Variants in RMDN2 observed in about 807,000 individuals in gnomAD.
The protein encoded by RMDN2 is regulator of microtubule dynamics protein 2.
Under a neutral mutation model 52.8 loss-of-function variants are expected in RMDN2, and 61 were observed. The ratio of observed to expected loss-of-function variants is 1.16; its 90% confidence interval spans 0.94 to 1.43. The LOEUF is 1.43. Ranked by LOEUF, RMDN2 falls within the 40% of genes most tolerant of loss-of-function variation. The pLI is 0.00. For synonymous variants in RMDN2, 180 were observed against 153.1 expected, an observed-to-expected ratio of 1.18 and a Z score of -1.30; for missense variants, 592 against 475.3, an observed-to-expected ratio of 1.25 and a Z score of -2.28.
intron 5 of RMDN2, among the ~76,000 whole-genome samples, chr2:37,983,926 G>A (rs560693176): frequency 5.6e-4 from 86 of 152,232 alleles, no homozygotes; most frequent in African/African-American, 2.0e-3. Context: ...GCCACACACA[G>A]GCATTTTTGC....
At chr2:38,002,436 A>G (rs1048743428) in intron 8 of RMDN2, among the ~76,000 whole-genome samples, 4 of 152,310 alleles carry the variant, frequency 2.6e-5, no homozygotes, top group East Asian at 3.9e-4. Flanking sequence ...ATGATGAAGT[A>G]TATCTATGCT....
chr2:38,005,715 C>T (rs1411477992), intron 10 of RMDN2, among the ~76,000 whole-genome samples: 4 of 152,172 alleles, frequency 2.6e-5, no homozygotes, highest in Non-Finnish European at 5.9e-5. Context: ...CATTAGATCC[C>T]ATTTGTGAAT....
At chr2:38,010,229 C>G (rs918604011) in intron 10 of RMDN2, among the ~76,000 whole-genome samples, 1 of 152,222 alleles carries the variant, frequency 6.6e-6, no homozygotes, top group Non-Finnish European at 1.5e-5. Context: ...CCACTACTCT[C>G]TTCAGTGCTG....
intron 2 of RMDN2, among the ~76,000 whole-genome samples, chr2:37,960,427 T>C (rs568935225): frequency 2.0e-5 from 3 of 152,294 alleles, no homozygotes; most frequent in Non-Finnish European, 2.9e-5. Context: ...ATTTTGTTGT[T>C]TTAAAGTCTG....
chr2:37,950,733 C>A, intron 2 of RMDN2: 1 of 834,072 alleles, frequency 1.2e-6, no homozygotes, highest in African/African-American at 1.7e-5. Flanking sequence ...AAACATTCTC[C>A]CCAGAGAGAT....
chr2:37,998,408 C>G (rs192258584), intron 8 of RMDN2: 1 of 152,154 alleles, frequency 6.6e-6, no homozygotes, highest in African/African-American at 2.4e-5. Flanking sequence ...TAACAACAGT[C>G]CCAGCTACTC....
In RMDN2 at chr2:38,017,502, T is replaced by C; in HGVS notation, c.*263T>C. 1 of 1,097,542 alleles carries C rather than the reference T, an allele frequency of 9.1e-7. No homozygotes were observed. Among genetic ancestry groups the C allele is most frequent in the South Asian group, 1.6e-5 (1 of 61,578 alleles). 68.0% of individuals were successfully genotyped at this position (1,097,542 alleles called of 1,614,324 possible). On this transcript the variant is annotated 3_prime_UTR_variant, in exon 11 of 11. Transcript: ENST00000354545. ...TTTTCTTATCAATAAACTGCAGCCTTAAGAATATTTCTTTAAATAAAATAT... is the reference window on the plus strand; with the variant it reads ...TTTTCTTATCAATAAACTGCAGCCTCAAGAATATTTCTTTAAATAAAATAT...
intron 10 of RMDN2, among the ~76,000 whole-genome samples, chr2:38,054,913 A>G (rs192585807): frequency 1.6e-4 from 24 of 152,292 alleles, no homozygotes; most frequent in African/African-American, 5.5e-4. Context: ...CGGGGGGACA[A>G]AGGGCTCCAA....
At chr2:38,019,413 C>T (rs1419023026), downstream of RMDN2, among the ~76,000 whole-genome samples, 2 of 152,182 alleles carry the variant, frequency 1.3e-5, no homozygotes, top group Non-Finnish European at 2.9e-5. Flanking sequence ...CTTCAATGGA[C>T]AAGTTGATAT....
intron 10 of RMDN2, among the ~76,000 whole-genome samples, chr2:38,066,295 C>T (rs146519904): frequency 1.1e-4 from 16 of 152,272 alleles, no homozygotes; most frequent in African/African-American, 2.9e-4. Flanking sequence ...AGCATTTGTC[C>T]TCAAAGCCTG....
chr2:37,993,295 T>C (rs970806735), intron 7 of RMDN2, among the ~76,000 whole-genome samples: 8 of 152,084 alleles, frequency 5.3e-5, no homozygotes, highest in Non-Finnish European at 1.0e-4. Context: ...TAAGTATAGA[T>C]AATGAATATG....
chr2:38,011,126 G>A (rs1677926274), intron 10 of RMDN2, among the ~76,000 whole-genome samples: 1 of 152,202 alleles, frequency 6.6e-6, no homozygotes, highest in Non-Finnish European at 1.5e-5. Context: ...CCTAGAGTAA[G>A]GGGAGTGACC....
chr2:37,923,412 CCTCTT>C (rs1666086978), upstream of RMDN2: 1 of 152,168 alleles, frequency 6.6e-6, no homozygotes, highest in South Asian at 2.1e-4. Flanking sequence ...TTATTGAAAG[CCTCTT>C]CTGTGCAATG....
intron 2 of RMDN2, among the ~76,000 whole-genome samples, chr2:37,967,369 C>G (rs917636972): frequency 6.6e-6 from 1 of 152,160 alleles, no homozygotes; most frequent in African/African-American, 2.4e-5. Flanking sequence ...GATCTTGAAG[C>G]ATTTCTTTAA....
intron 2 of RMDN2, chr2:37,952,010 T>A: frequency 6.2e-7 from 1 of 1,613,016 alleles, no homozygotes. Flanking sequence ...CAATCATGAT[T>A]CCACAGCATC....
intron 2 of RMDN2, among the ~76,000 whole-genome samples, chr2:37,964,709 C>T (rs1343178762): frequency 6.6e-6 from 1 of 152,080 alleles, no homozygotes; most frequent in Non-Finnish European, 1.5e-5. Context: ...GTTTATAGGT[C>T]TATAGTGATG....
chr2:37,965,186 A>G (rs940265669), intron 2 of RMDN2, among the ~76,000 whole-genome samples: 4 of 152,178 alleles, frequency 2.6e-5, no homozygotes, highest in Non-Finnish European at 5.9e-5. Flanking sequence ...CATTCTGCCA[A>G]TATACCTTTT....
At position 37,951,099 on chromosome 2, in the gene RMDN2, C is replaced by T. The variant is rs912293086; in HGVS notation, c.452+21370C>T. ...GCTCCCCTATTCTTCTTATTCCCTG[C>T]TGTTTTCATATTAGTATGGAAACAA... On this transcript the variant is annotated intron_variant, in intron 2 of 10. Transcript: ENST00000354545. The T allele has an allele frequency of 3.6e-6, 3 of 823,200 alleles. No homozygotes were observed. The African/African-American group carries it at 5.1e-5, about 14-fold the overall frequency. The allele number at this position is 823,200 out of a possible 1,614,324, so 51.0% of individuals were successfully genotyped here. A position where few individuals can be genotyped will look rare whatever the true frequency, so the allele number is the denominator to read the frequency against.
At chr2:37,979,728 A>G (rs187091418) in intron 4 of RMDN2, among the ~76,000 whole-genome samples, 4 of 152,326 alleles carry the variant, frequency 2.6e-5, no homozygotes, top group African/African-American at 7.2e-5. Flanking sequence ...AAGTGAGGCT[A>G]TGAATCTAGT....
Sources: allele counts gnomAD v4.1 joint callset (sites outside exome capture counted in the v4.1 genomes callset), GRCh38; gene constraint gnomAD v4.1.1; transcripts MANE v1.5; gene names NCBI Gene and HGNC (gene_info 2026-07-23, HGNC 2026-07-21).